RALGPS2: variants seen among roughly 807,000 people sequenced by gnomAD.
RALGPS2 encodes the protein Ral GEF with PH domain and SH3 binding motif 2.
Under a neutral mutation model 86.8 loss-of-function variants are expected in RALGPS2, and 43 were observed. That is an observed-to-expected ratio of 0.50 (90% CI 0.39 to 0.64). The LOEUF (loss-of-function observed/expected upper bound fraction) is 0.64, where lower values mean the gene tolerates loss of function less well. Ranked by LOEUF, RALGPS2 falls within the 30% of genes least tolerant of loss-of-function variation. The pLI, the probability that RALGPS2 is intolerant of heterozygous loss-of-function variation, is 0.00. For missense variants in RALGPS2, 536 were observed against 694.6 expected (o/e 0.77, Z 2.57); for synonymous variants, 243 against 231.3 (o/e 1.05, Z -0.46).
chr1:178,888,742 C>T (rs1436189740), intron 13 of RALGPS2, among the ~76,000 whole-genome samples: 1 of 152,036 alleles, frequency 6.6e-6, no homozygotes, highest in Non-Finnish European at 1.5e-5. Flanking sequence ...CATTGCAAAC[C>T]CGTAGAAGGG....
chr1:178,799,115 C>T (rs1190039727), intron 4 of RALGPS2, among the ~76,000 whole-genome samples: 1 of 152,154 alleles, frequency 6.6e-6, no homozygotes, highest in Non-Finnish European at 1.5e-5. Context: ...TCTCCGCTCA[C>T]CACAACCTCC....
Position 178,906,782 on chromosome 1 carries a change from C to T in RALGPS2, c.1637C>T (p.Ser546Leu), listed in dbSNP as rs762927733. Reference sequence around the variant, plus strand: ...TTATTTTGGATAATTTTAGGAAATTCGTACAAGTTTCAAGCTGGCAATAGA... The same window carrying T: ...TTATTTTGGATAATTTTAGGAAATTTGTACAAGTTTCAAGCTGGCAATAGA... ...FLLTDSEKGN[S>L]YKFQAGNRMN... Residue 546 changes from serine to leucine, a missense_variant, in exon 19 of 20, where the codon TCG becomes TTG. Coordinates refer to ENST00000367635, the MANE Select transcript of RALGPS2 (RefSeq NM_152663.5). 9 of 1,608,516 alleles carry T rather than the reference C, an allele frequency of 5.6e-6. No individual in the cohort carries two copies. The highest frequency in any genetic ancestry group is 7.6e-6 in the Non-Finnish European group (9 of 1,178,234).
intron 6 of RALGPS2, among the ~76,000 whole-genome samples, chr1:178,816,894 A>T (rs1250516519): frequency 6.6e-6 from 1 of 151,790 alleles, no homozygotes; most frequent in Non-Finnish European, 1.5e-5. Flanking sequence ...TTTTTAGTAG[A>T]GATGGGGTTT....
chr1:178,806,090 AT>A (rs59588833), intron 4 of RALGPS2, among the ~76,000 whole-genome samples: 4,691 of 151,324 alleles, frequency 0.031, 259 homozygotes, highest in African/African-American at 0.11. Flanking sequence ...ATATATATAT[AT>A]TTTTTTTCTA....
intron 1 of RALGPS2, among the ~76,000 whole-genome samples, chr1:178,770,725 C>A (rs988742778): frequency 1.3e-4 from 19 of 151,750 alleles, no homozygotes; most frequent in Non-Finnish European, 2.4e-4. Context: ...GATCCATCCA[C>A]TTCAGCCTCC....
chr1:178,897,766 T>A lies in RALGPS2; in HGVS notation c.1524+10T>A. 2 of 1,600,108 alleles carry A rather than the reference T, an allele frequency of 1.2e-6. No homozygotes were observed. The highest frequency in any genetic ancestry group is 1.7e-6 in the Non-Finnish European group (2 of 1,167,944). On this transcript the variant is annotated intron_variant, in intron 17 of 19. Coordinates refer to ENST00000367635, the MANE Select transcript of RALGPS2 (RefSeq NM_152663.5). ...TACCGAAAGAAAACATGTAAGTATT[T>A]GTTCTCTACATTTTTAGCGTGGTTT...
intron 7 of RALGPS2, among the ~76,000 whole-genome samples, chr1:178,829,737 A>ATTAT (rs1262380768): frequency 4.0e-5 from 6 of 151,746 alleles, no homozygotes; most frequent in African/African-American, 1.5e-4. Context: ...AATTTTATTT[A>ATTAT]TTATTTATTT....
rs67007360 is a variant in RALGPS2, at chr1:178,728,402, C to CTTT, written c.-84+2997_-84+2999dup. Among the ~76,000 whole-genome samples the CTTT allele has an allele frequency of 3.7e-3, 474 of 129,558 alleles. 9 individuals are homozygous for CTTT. Among genetic ancestry groups the CTTT allele is most frequent in the African/African-American group, 0.012 (403 of 34,570 alleles). The allele number at this position is 129,558 out of a possible 152,430, so 85.0% of individuals were successfully genotyped here. ...TAAACCCATTTTCTCCGAAAGTATGCTTTTTTTTTTTTTTTTGCTATGTAA... is the reference window on the plus strand; with the variant it reads ...TAAACCCATTTTCTCCGAAAGTATGCTTTTTTTTTTTTTTTTTTTGCTATGTAA... On this transcript the variant is annotated intron_variant, in intron 1 of 19. Transcript: ENST00000367635.
At chr1:178,726,553 A>C (rs956217728) in intron 1 of RALGPS2, among the ~76,000 whole-genome samples, 1 of 151,944 alleles carries the variant, frequency 6.6e-6, no homozygotes, top group African/African-American at 2.4e-5. Context: ...AAAAAAAAAA[A>C]ACCCCAAAAG....
intron 7 of RALGPS2, among the ~76,000 whole-genome samples, chr1:178,832,546 C>T (rs1478216571): frequency 1.3e-5 from 2 of 152,078 alleles, no homozygotes; most frequent in African/African-American, 4.8e-5. Flanking sequence ...AATTAATACT[C>T]ATACTTTTTT....
chr1:178,762,443 A>G (rs1223507096), intron 1 of RALGPS2, among the ~76,000 whole-genome samples: 1 of 152,208 alleles, frequency 6.6e-6, no homozygotes, highest in African/African-American at 2.4e-5. Context: ...TGCTTTCCAC[A>G]GTGGCTGAAC....
intron 1 of RALGPS2, among the ~76,000 whole-genome samples, chr1:178,726,859 C>A (rs1572257071): frequency 6.6e-6 from 1 of 152,168 alleles, no homozygotes; most frequent in South Asian, 2.1e-4. Context: ...CATTATAAAG[C>A]CTGTTCCACT....
At chr1:178,805,687 A>C (rs1344937876) in intron 4 of RALGPS2, among the ~76,000 whole-genome samples, 1 of 152,118 alleles carries the variant, frequency 6.6e-6, no homozygotes, top group Non-Finnish European at 1.5e-5. Context: ...ATGATATGTT[A>C]ACTCTTTACT....
chr1:178,861,239 T>A (rs914057338), intron 8 of RALGPS2, among the ~76,000 whole-genome samples: 3 of 152,114 alleles, frequency 2.0e-5, no homozygotes, highest in African/African-American at 4.8e-5. Context: ...ATTTAAGAGA[T>A]CCACATTTAT....
At chr1:178,790,024 C>T (rs755473337) in intron 4 of RALGPS2, among the ~76,000 whole-genome samples, 1 of 152,302 alleles carries the variant, frequency 6.6e-6, no homozygotes, top group East Asian at 1.9e-4. Context: ...TGACGGCTCA[C>T]TGCAGCCAGG....
chr1:178,906,864 A>G lies in RALGPS2; in HGVS notation c.1719A>G (p.Gln573=). The change falls in exon 19 of 20, where the codon CAA becomes CAG. Residue 573 remains glutamine, a synonymous_variant. Transcript: ENST00000367635. The stretch of plus-strand genomic sequence containing the variant: ...GTGCAGCCTGCCAAAGTAACAAACA[A>G]CAGGTAAGCATTTCTCCTAATTCTC... ...HLSAACQSNK[Q]QVPTNLMTFE 1.9e-6 allele frequency: 3 copies of G among 1,612,710 alleles called. No individual in the cohort carries two copies. The highest frequency in any genetic ancestry group is 2.5e-6 in the Non-Finnish European group (3 of 1,179,038).
intron 13 of RALGPS2, among the ~76,000 whole-genome samples, chr1:178,888,816 G>A (rs1659599702): frequency 6.6e-6 from 1 of 152,054 alleles, no homozygotes; most frequent in Admixed American, 6.5e-5. Context: ...CATTACAGGT[G>A]TCTGATGGAT....
chr1:178,760,505 T>C (rs193040919), intron 1 of RALGPS2, among the ~76,000 whole-genome samples: 178 of 152,322 alleles, frequency 1.2e-3, no homozygotes, highest in Non-Finnish European at 2.0e-3. Flanking sequence ...CAACCCCTGC[T>C]CTTTTTTGTG....
intron 9 of RALGPS2, 126 bp from the exon 10 acceptor site, chr1:178,878,776 T>C: frequency 2.4e-6 from 3 of 1,274,418 alleles, no homozygotes. Context: ...GTAATGTCCT[T>C]CTAGAGTTAA....
Sources: allele counts gnomAD v4.1 joint callset (sites outside exome capture counted in the v4.1 genomes callset), GRCh38; gene constraint gnomAD v4.1.1; transcripts MANE v1.5; gene names NCBI Gene and HGNC (gene_info 2026-07-23, HGNC 2026-07-21).